SYNJ2BP: variants seen among roughly 807,000 people sequenced by gnomAD.
SYNJ2BP encodes the protein synaptojanin-2-binding protein.
Under a neutral mutation model 16.9 loss-of-function variants are expected in SYNJ2BP, and 10 were observed. The ratio of observed to expected loss-of-function variants is 0.59; its 90% CI spans 0.36 to 1.00. The LOEUF (loss-of-function observed/expected upper bound fraction) is 1.00, where lower values mean the gene tolerates loss of function less well. Ranked by LOEUF, SYNJ2BP falls within the 50% of genes least tolerant of loss-of-function variation. The pLI, the probability that SYNJ2BP is intolerant of heterozygous loss-of-function variation, is 0.01. For synonymous variants in SYNJ2BP, 54 were observed against 68.4 expected, an observed-to-expected ratio of 0.79 and a Z score of 1.04; for missense variants, 162 against 186.7, an observed-to-expected ratio of 0.87 and a Z score of 0.77.
intron 1 of SYNJ2BP, among the ~76,000 whole-genome samples, chr14:70,399,031 G>C (rs1232661626): frequency 6.6e-6 from 1 of 152,166 alleles, no homozygotes; most frequent in Admixed American, 6.5e-5. Flanking sequence ...TGGACCCCGG[G>C]GATGCGGCCC....
rs117568287 is a variant in SYNJ2BP at position 70,379,162 on chromosome 14, A to G, written c.202-3391T>C. Among the ~76,000 whole-genome samples the G allele has an allele frequency of 3.3e-5, 5 of 152,330 alleles. No homozygotes were observed. The East Asian group carries it at 7.7e-4, about 23-fold the overall frequency. ...AAATACTCTTAGTTGAACTACTGTG[A>G]TCACTTCTCTCTGATTTACTTTTCT... On this transcript the variant is annotated intron_variant, in intron 2 of 3. Transcript: ENST00000256366.
At chr14:70,405,180 T>C (rs1269895622) in intron 1 of SYNJ2BP, among the ~76,000 whole-genome samples, 1 of 152,122 alleles carries the variant, frequency 6.6e-6, no homozygotes, top group Non-Finnish European at 1.5e-5. Context: ...TGTAAATTTC[T>C]GTCTTAAGGT....
At chr14:70,379,157 C>T (rs10134376) in intron 2 of SYNJ2BP, among the ~76,000 whole-genome samples, 132,527 of 152,198 alleles carry the variant, frequency 0.87, 57,763 homozygotes, top group East Asian at 0.93. Context: ...AGTTGAACTA[C>T]TGTGATCACT....
At chr14:70,400,369 A>G (rs186561115) in intron 1 of SYNJ2BP, among the ~76,000 whole-genome samples, 12 of 152,364 alleles carry the variant, frequency 7.9e-5, no homozygotes, top group African/African-American at 2.6e-4. Context: ...ACAATTTTGG[A>G]ACATACACAA....
intron 1 of SYNJ2BP, among the ~76,000 whole-genome samples, chr14:70,412,894 A>G (rs2140878259): frequency 6.6e-6 from 1 of 152,290 alleles, no homozygotes; most frequent in Non-Finnish European, 1.5e-5. Context: ...GCAAAAAAAC[A>G]TATTAAACAG....
At chr14:70,390,633 A>G (rs990968104) in intron 1 of SYNJ2BP, among the ~76,000 whole-genome samples, 2 of 151,326 alleles carry the variant, frequency 1.3e-5, no homozygotes, top group African/African-American at 4.9e-5. Flanking sequence ...GCATCACTGC[A>G]CTCCAGCCTG....
chr14:70,411,131 T>A (rs1448699337), intron 1 of SYNJ2BP, among the ~76,000 whole-genome samples: 1 of 152,192 alleles, frequency 6.6e-6, no homozygotes, highest in Non-Finnish European at 1.5e-5. Flanking sequence ...TTTATAATGA[T>A]TCAGGGCTTG....
chr14:70,396,631 T>C (rs926808871), intron 1 of SYNJ2BP, among the ~76,000 whole-genome samples: 2 of 151,284 alleles, frequency 1.3e-5, no homozygotes, highest in Non-Finnish European at 2.9e-5. Flanking sequence ...TTTATATATA[T>C]ATGTATGTGT....
At chr14:70,407,429 CA>C (rs71105710) in intron 1 of SYNJ2BP, among the ~76,000 whole-genome samples, 54,738 of 110,844 alleles carry the variant, frequency 0.49, 11,370 homozygotes, top group South Asian at 0.58. Flanking sequence ...GACTCCGTCT[CA>C]AAAAAAAAAA....
intron 1 of SYNJ2BP, among the ~76,000 whole-genome samples, chr14:70,409,193 G>A (rs1282412785): frequency 6.6e-6 from 1 of 152,162 alleles, no homozygotes; most frequent in Non-Finnish European, 1.5e-5. Context: ...CGGATTACAG[G>A]CAAGAGCCAC....
At chr14:70,379,293 G>C (rs562682669) in intron 2 of SYNJ2BP, among the ~76,000 whole-genome samples, 1 of 152,316 alleles carries the variant, frequency 6.6e-6, no homozygotes, top group East Asian at 1.9e-4. Context: ...AAACTGGGGA[G>C]CAAGGAAAGA....
At chr14:70,401,212 T>C (rs1300120379) in intron 1 of SYNJ2BP, among the ~76,000 whole-genome samples, 1 of 152,200 alleles carries the variant, frequency 6.6e-6, no homozygotes, top group African/African-American at 2.4e-5. Flanking sequence ...ACAAACTGAA[T>C]GAGAGACCTA....
At chr14:70,415,582 A>C (rs1888588010) in intron 1 of SYNJ2BP, among the ~76,000 whole-genome samples, 1 of 151,912 alleles carries the variant, frequency 6.6e-6, no homozygotes, top group South Asian at 2.1e-4. Context: ...AAAAGAAAGA[A>C]AGAAAAGAAA....
rs1010536781 is a variant in SYNJ2BP, at chr14:70,369,783, G to T, written c.*3208C>A. The stretch of plus-strand genomic sequence containing the variant: ...GGAAAACAAAGTACAGCTAGTTGAA[G>T]CAAACAATATCTTATAATTATACAT... On this transcript the variant is annotated 3_prime_UTR_variant, in exon 4 of 4. Coordinates refer to ENST00000256366, the MANE Select transcript of SYNJ2BP (RefSeq NM_018373.3). 38 of 152,160 alleles carry T rather than the reference G, an allele frequency of 2.5e-4. No homozygotes were observed. Among genetic ancestry groups the T allele is most frequent in the African/African-American group, 8.4e-4 (35 of 41,430 alleles). The allele number at this position is 152,160 out of a possible 1,614,324, so 9.4% of individuals were successfully genotyped here.
At chr14:70,393,591 C>T (rs1275507650) in intron 1 of SYNJ2BP, among the ~76,000 whole-genome samples, 1 of 152,074 alleles carries the variant, frequency 6.6e-6, no homozygotes, top group Non-Finnish European at 1.5e-5. Context: ...AGAAAATTGG[C>T]ACATATATAT....
At position 70,400,514 on chromosome 14, in the gene SYNJ2BP, T is replaced by TA. The variant is rs201766658; in HGVS notation, c.65-11909dup. On this transcript the variant is annotated intron_variant, in intron 1 of 3. Coordinates refer to ENST00000256366, the MANE Select transcript of SYNJ2BP (RefSeq NM_018373.3). ...TGGTTTTATTCCCAAGTTCACTTTATAAAAAAAAACAAACAATACCCTTTT... is the reference window on the plus strand; with the variant it reads ...TGGTTTTATTCCCAAGTTCACTTTATAAAAAAAAAACAAACAATACCCTTTT... Among the ~76,000 whole-genome samples, 1,439 of 151,348 alleles carry TA rather than the reference T, an allele frequency of 9.5e-3. 27 individuals are homozygous for TA. The highest frequency in any genetic ancestry group is 0.033 in the African/African-American group (1,345 of 41,288).
intron 2 of SYNJ2BP, among the ~76,000 whole-genome samples, chr14:70,388,118 T>C (rs1887900533): frequency 6.6e-6 from 1 of 152,174 alleles, no homozygotes; most frequent in Non-Finnish European, 1.5e-5. Context: ...AAGATACACA[T>C]TAGTGTTTTA....
intron 2 of SYNJ2BP, among the ~76,000 whole-genome samples, chr14:70,383,508 A>G (rs1887795240): frequency 6.6e-6 from 1 of 152,194 alleles, no homozygotes; most frequent in African/African-American, 2.4e-5. Flanking sequence ...CTAATGGCTC[A>G]ATCTGTGCCA....
intron 1 of SYNJ2BP, among the ~76,000 whole-genome samples, chr14:70,411,309 T>C (rs774836991): frequency 1.3e-5 from 2 of 152,176 alleles, no homozygotes; most frequent in Non-Finnish European, 2.9e-5. Flanking sequence ...GGGAATACAT[T>C]ACAGGCAATC....
Sources: allele counts gnomAD v4.1 joint callset (sites outside exome capture counted in the v4.1 genomes callset), GRCh38; gene constraint gnomAD v4.1.1; transcripts MANE v1.5; gene names NCBI Gene and HGNC (gene_info 2026-07-23, HGNC 2026-07-21).